The following SMYD3 variants were observed in gnomAD, a reference collection of about 807,000 sequenced individuals.
SMYD3 encodes the protein SET and MYND domain containing 3.
SMYD3 carries 36 observed loss-of-function variants against 57.7 expected under a neutral mutation model. That is an observed-to-expected ratio of 0.62 (90% CI 0.48 to 0.82). The LOEUF is 0.82. Among genes scored for constraint, SMYD3 ranks in the 40% least tolerant of loss-of-function variants. SMYD3 has a pLI of 0.00. For synonymous variants in SMYD3, 211 were observed against 195.0 expected, an observed-to-expected ratio of 1.08 and a Z score of -0.68; for missense variants, 515 against 538.8, an observed-to-expected ratio of 0.96 and a Z score of 0.44.
chr1:246,094,068 G>A (rs2060870814), intron 5 of SMYD3, among the ~76,000 whole-genome samples: 1 of 152,144 alleles, frequency 6.6e-6, no homozygotes, highest in South Asian at 2.1e-4. Context: ...GGCCGAACAT[G>A]TCCTAGGAAC....
intron 1 of SMYD3, among the ~76,000 whole-genome samples, chr1:246,489,395 T>C (rs1221682568): frequency 6.6e-6 from 1 of 152,152 alleles, no homozygotes; most frequent in Non-Finnish European, 1.5e-5. Context: ...ATATTTCAGG[T>C]ACTATCCTAG....
chr1:246,419,375 G>A (rs6680347), intron 1 of SMYD3, among the ~76,000 whole-genome samples: 3,489 of 152,268 alleles, frequency 0.023, 132 homozygotes, highest in African/African-American at 0.079. Context: ...ACGTCCTCCC[G>A]ATGTCCGGCC....
chr1:246,500,669 A>G (rs2068443218), intron 1 of SMYD3, among the ~76,000 whole-genome samples: 1 of 151,972 alleles, frequency 6.6e-6, no homozygotes, highest in South Asian at 2.1e-4. Context: ...GGAAGTCTGT[A>G]TTGTTGAGTT....
At chr1:246,169,331 T>C (rs771262929) in intron 5 of SMYD3, among the ~76,000 whole-genome samples, 5 of 98,780 alleles carry the variant, frequency 5.1e-5, no homozygotes, top group East Asian at 2.7e-4. Flanking sequence ...TTAACAAATA[T>C]AGAGAAGGAA....
intron 5 of SMYD3, among the ~76,000 whole-genome samples, chr1:246,082,703 A>C (rs1487718654): frequency 6.6e-6 from 1 of 152,148 alleles, no homozygotes; most frequent in East Asian, 1.9e-4. Flanking sequence ...AAAGAAAGAG[A>C]GATCAGACTG....
At chr1:246,025,813 T>A (rs1410987439) in intron 5 of SMYD3, 1 of 152,260 alleles carries the variant, frequency 6.6e-6, no homozygotes, top group East Asian at 1.9e-4. Context: ...CCTAAGGTGC[T>A]ATATGTGAGA....
intron 5 of SMYD3, among the ~76,000 whole-genome samples, chr1:246,139,497 A>G (rs2061717900): frequency 6.6e-6 from 1 of 152,202 alleles, no homozygotes; most frequent in South Asian, 2.1e-4. Context: ...GAATTTAGCA[A>G]ACTCTGCACT....
At chr1:245,949,185 C>T (rs2057530614) in intron 5 of SMYD3, among the ~76,000 whole-genome samples, 1 of 152,194 alleles carries the variant, frequency 6.6e-6, no homozygotes, top group Non-Finnish European at 1.5e-5. Flanking sequence ...ACCCAGCACA[C>T]TGATGCCACC....
intron 8 of SMYD3, among the ~76,000 whole-genome samples, chr1:245,912,178 A>G (rs1159376569): frequency 4.6e-5 from 7 of 152,154 alleles, no homozygotes; most frequent in Admixed American, 4.6e-4. Flanking sequence ...CAAAATCAAC[A>G]TGCAAGAATC....
intron 8 of SMYD3, among the ~76,000 whole-genome samples, chr1:245,890,798 T>C (rs2053340300): frequency 1.3e-5 from 2 of 152,206 alleles, no homozygotes; most frequent in African/African-American, 4.8e-5. Flanking sequence ...CTATTCACAA[T>C]AGCTAAGCTT....
intron 1 of SMYD3, among the ~76,000 whole-genome samples, chr1:246,451,014 A>G (rs1036988917): frequency 1.3e-5 from 2 of 152,204 alleles, no homozygotes; most frequent in African/African-American, 4.8e-5. Context: ...GAATCTCCCA[A>G]TGGTGGGTCA....
intron 1 of SMYD3, among the ~76,000 whole-genome samples, chr1:246,451,899 T>C (rs1010051881): frequency 1.3e-5 from 2 of 152,218 alleles, no homozygotes; most frequent in Admixed American, 6.5e-5. Flanking sequence ...ATACTGTTTT[T>C]TTAAATGCCT....
At chr1:245,907,259 T>C (rs1248752350) in intron 8 of SMYD3, among the ~76,000 whole-genome samples, 1 of 152,208 alleles carries the variant, frequency 6.6e-6, no homozygotes, top group East Asian at 1.9e-4. Flanking sequence ...CTTGAGGGGA[T>C]GGATACCATA....
At chr1:245,985,848 C>T (rs906379540) in intron 5 of SMYD3, among the ~76,000 whole-genome samples, 16 of 152,258 alleles carry the variant, frequency 1.1e-4, no homozygotes, top group Non-Finnish European at 1.9e-4. Flanking sequence ...CCCAAATGTT[C>T]TTGACTTTGG....
chr1:246,105,466 T>C (rs1408784690), intron 5 of SMYD3, among the ~76,000 whole-genome samples: 1 of 152,198 alleles, frequency 6.6e-6, no homozygotes, highest in African/African-American at 2.4e-5. Flanking sequence ...TGCCCCCTTG[T>C]CTGTGACCCT....
chr1:246,286,179 A>C (rs761696515), intron 5 of SMYD3, among the ~76,000 whole-genome samples: 2 of 152,220 alleles, frequency 1.3e-5, no homozygotes, highest in Non-Finnish European at 2.9e-5. Context: ...AAGACACTTG[A>C]GGTTTCTGAT....
intron 10 of SMYD3, among the ~76,000 whole-genome samples, chr1:245,810,078 G>C (rs1244159078): frequency 1.3e-5 from 2 of 152,172 alleles, no homozygotes; most frequent in African/African-American, 4.8e-5. Context: ...ATTTCACCAA[G>C]TTTAACAGTT....
rs1161266897 is a variant in SMYD3, at chr1:245,813,025, TTTTTTTTGAGACG to T, written c.1076+45458_1076+45470del. 1.3e-3 allele frequency among the ~76,000 whole-genome samples: 168 copies of T among 130,360 alleles called. 1 individual carries two copies. The highest frequency in any genetic ancestry group is 4.6e-3 in the African/African-American group (161 of 34,826). The allele number at this position is 130,360 out of a possible 152,430, so 85.5% of individuals were successfully genotyped here. ...AGCTTCTTTTTTTTTTTTTTTTTTT[TTTTTTTTGAGACG>T]GAGTCTCGCTCTGTTGCCCAGGCTG... On this transcript the variant is annotated intron_variant, in intron 10 of 11. Transcript: ENST00000490107.
intron 1 of SMYD3, among the ~76,000 whole-genome samples, chr1:246,408,438 C>A (rs2066905081): frequency 6.6e-6 from 1 of 152,082 alleles, no homozygotes; most frequent in South Asian, 2.1e-4. Flanking sequence ...CTCTGCTCGG[C>A]ATCTCTGGGA....
Sources: gnomAD v4.1 joint callset for allele counts (sites outside exome capture counted in the v4.1 genomes callset) on GRCh38, gnomAD v4.1.1 for gene constraint, MANE v1.5 for transcripts, NCBI Gene and HGNC (gene_info 2026-07-23, HGNC 2026-07-21) for gene names.